Variants in SMIM23 observed in about 807,000 individuals in gnomAD.
The protein encoded by SMIM23 is CTB-78H18.1.
A neutral mutation model predicts 12.8 loss-of-function variants in SMIM23; 10 were observed. That is an observed-to-expected ratio of 0.78 (90% confidence interval 0.48 to 1.32). SMIM23 has a LOEUF of 1.32. SMIM23 is among the 40% of genes most tolerant of loss of function. The probability of loss-of-function intolerance (pLI) is 0.00; values close to 1 mark genes in which losing one functional copy is unlikely to be tolerated. For missense variants in SMIM23, 184 were observed against 198.2 expected (o/e 0.93, Z 0.43); for synonymous variants, 78 against 80.1 (o/e 0.97, Z 0.14).
chr5:171,789,392 C>G (rs938070118), intron 1 of SMIM23, among the ~76,000 whole-genome samples: 1 of 152,114 alleles, frequency 6.6e-6, no homozygotes, highest in Non-Finnish European at 1.5e-5. Flanking sequence ...CATACATTTA[C>G]CATATAACCC....
Position 171,790,517 on chromosome 5 carries a change from T to C in SMIM23, c.193T>C (p.Cys65Arg). 2 of 1,536,772 alleles carry C rather than the reference T, an allele frequency of 1.3e-6. No individual in the cohort carries two copies. Among genetic ancestry groups the C allele is most frequent in the South Asian group, 1.2e-5 (1 of 84,056 alleles). The change falls in exon 3 of 4, where the codon TGT becomes CGT. Residue 65 changes from cysteine (C) to arginine (R), a missense_variant. Cys to Arg is a radical substitution (Grantham distance 180). Transcript: ENST00000523047. The stretch of plus-strand genomic sequence containing the variant: ...GGAGGTGTCAGAAAGGATCAGAGAA[T>C]GTAACTACTACCAGAATCTTGCAGT... ...SWEVSERIRE[C>R]NYYQNLAVPQ...
At chr5:171,779,515 C>G (rs1321734709), upstream of SMIM23, among the ~76,000 whole-genome samples, 1 of 152,138 alleles carries the variant, frequency 6.6e-6, no homozygotes, top group Non-Finnish European at 1.5e-5. Flanking sequence ...CCATAATTCT[C>G]AGTCTCCCCA....
chr5:171,785,635 A>G (rs1755800216), upstream of SMIM23, among the ~76,000 whole-genome samples: 1 of 152,222 alleles, frequency 6.6e-6, no homozygotes, highest in African/African-American at 2.4e-5. Context: ...TCATCCTGAA[A>G]CATAATCTTT....
Position 171,791,074 on chromosome 5 carries a change from G to T in SMIM23, c.505G>T (p.Gly169Trp), listed in dbSNP as rs779093137. The T allele has an allele frequency of 2.0e-6, 3 of 1,502,512 alleles. No individual in the cohort carries two copies. The highest frequency in any genetic ancestry group is 2.8e-5 in the African/African-American group (2 of 71,740). 93.1% of individuals were successfully genotyped at this position (1,502,512 alleles called of 1,614,324 possible). A position where few individuals can be genotyped will look rare whatever the true frequency, so the allele number is the denominator to read the frequency against. ...GEGLLEISLSGAEL is the reference protein window; with the variant it reads ...GEGLLEISLSWAEL ...GGGGTTGCTAGAGATTTCTCTAAGC[G>T]GGGCAGAGCTCTGACTCTTGAAGTT... is the stretch of plus-strand genomic sequence containing the variant. The change falls in exon 4 of 4, where the codon GGG becomes TGG. Residue 169 changes from glycine (G) to tryptophan (W), a missense_variant. Coordinates refer to ENST00000523047, the MANE Select transcript of SMIM23 (RefSeq NM_001289970.2).
chr5:171,777,762 C>T (rs546172820), upstream of SMIM23, among the ~76,000 whole-genome samples: 3 of 152,268 alleles, frequency 2.0e-5, no homozygotes, highest in South Asian at 4.2e-4. Context: ...GAGGGGAGAG[C>T]GGCAACACTC....
Position 171,790,907 on chromosome 5 carries a change from A to C in SMIM23, c.338A>C (p.Gln113Pro), listed in dbSNP as rs766512481. The C allele has an allele frequency of 3.8e-5, 59 of 1,536,048 alleles. No individual in the cohort carries two copies. Among genetic ancestry groups the C allele is most frequent in the Non-Finnish European group, 9.6e-6 (11 of 1,146,924 alleles). Residue 113 changes from glutamine (Q) to proline (P), a missense_variant, in exon 4 of 4, where the codon CAG becomes CCG. Transcript: ENST00000523047. ...GAGAAGTTAGAGGAAGAGGTGCAGC[A>C]GCTGGAGCAGCTAGCGTGGGACCTG... ...FSEKLEEEVQ[Q>P]LEQLAWDLEL...
intron 1 of SMIM23, among the ~76,000 whole-genome samples, chr5:171,788,987 C>T (rs1458265445): frequency 6.6e-6 from 1 of 152,202 alleles, no homozygotes; most frequent in East Asian, 1.9e-4. Flanking sequence ...TTACAGGCAC[C>T]GGCCACCATG....
chr5:171,787,666 A>C (rs1032160514), intron 1 of SMIM23, among the ~76,000 whole-genome samples: 1 of 152,234 alleles, frequency 6.6e-6, no homozygotes, highest in Non-Finnish European at 1.5e-5. Flanking sequence ...AAGGACCCTA[A>C]TATTACATGT....
chr5:171,788,935 G>T (rs1755868439), intron 1 of SMIM23, among the ~76,000 whole-genome samples: 1 of 152,204 alleles, frequency 6.6e-6, no homozygotes, highest in Non-Finnish European at 1.5e-5. Flanking sequence ...CGCCTCCCAG[G>T]CTCAAGCGAT....
Position 171,791,091 on chromosome 5 carries a change from C to T in SMIM23, c.*3C>T. The T allele has an allele frequency of 6.8e-7, 1 of 1,472,890 alleles. No homozygotes were observed. The highest frequency in any genetic ancestry group is 8.9e-7 in the Non-Finnish European group (1 of 1,118,964). The allele number at this position is 1,472,890 out of a possible 1,614,324, so 91.2% of individuals were successfully genotyped here. A position where few individuals can be genotyped will look rare whatever the true frequency, so the allele number is the denominator to read the frequency against. On this transcript the variant is annotated 3_prime_UTR_variant, in exon 4 of 4. Transcript: ENST00000523047. The stretch of plus-strand genomic sequence containing the variant: ...CTCTAAGCGGGGCAGAGCTCTGACT[C>T]TTGAAGTTCCAGTCAGGCAAGAAAA...
chr5:171,777,015 G>A, the SMIM23 span, among the ~76,000 whole-genome samples: 16 of 151,842 alleles, frequency 1.1e-4, no homozygotes, highest in Non-Finnish European at 1.9e-4. Flanking sequence ...AGTGCATGAC[G>A]GGGTGAGCCT....
At chr5:171,773,512 G>A in the SMIM23 span, 2 of 321,554 alleles carry the variant, frequency 6.2e-6, no homozygotes, top group East Asian at 1.9e-4. Flanking sequence ...AGACAGGAGG[G>A]ATTCTGAAGA....
At chr5:171,786,863 G>A (rs1755826900) in intron 1 of SMIM23, among the ~76,000 whole-genome samples, 1 of 152,118 alleles carries the variant, frequency 6.6e-6, no homozygotes, top group Non-Finnish European at 1.5e-5. Context: ...GGGGAAGGCT[G>A]CATACCCGCA....
chr5:171,785,994 A>G lies in SMIM23; in HGVS notation c.105+18A>G. The G allele has an allele frequency of 2.0e-6, 3 of 1,528,962 alleles. No individual in the cohort carries two copies. The highest frequency in any genetic ancestry group is 2.6e-6 in the Non-Finnish European group (3 of 1,140,172). 94.7% of individuals were successfully genotyped at this position (1,528,962 alleles called of 1,614,324 possible). Reference sequence around the variant, plus strand: ...AGAAGCAGGTGAGGCCAGGCCAGGTACATGCTGCTTTCCTCCCATCTGGGC... The same window carrying G: ...AGAAGCAGGTGAGGCCAGGCCAGGTGCATGCTGCTTTCCTCCCATCTGGGC... On this transcript the variant is annotated intron_variant, in intron 1 of 3. Transcript: ENST00000523047.
upstream of SMIM23, among the ~76,000 whole-genome samples, chr5:171,783,237 C>G (rs1755757545): frequency 6.6e-6 from 1 of 152,164 alleles, no homozygotes; most frequent in Admixed American, 6.5e-5. Flanking sequence ...ATAATTCTCC[C>G]CAAAGTGATT....
chr5:171,785,674 C>G (rs776901753), upstream of SMIM23, among the ~76,000 whole-genome samples: 1 of 152,116 alleles, frequency 6.6e-6, no homozygotes, highest in Non-Finnish European at 1.5e-5. Flanking sequence ...TCTTTGTTTT[C>G]TACACTCATG....
chr5:171,775,930 T>C, the SMIM23 span, among the ~76,000 whole-genome samples: 1 of 152,198 alleles, frequency 6.6e-6, no homozygotes, highest in South Asian at 2.1e-4. Flanking sequence ...TGGAGTGCAA[T>C]GTGTGATCTC....
At chr5:171,774,072 GA>G in the SMIM23 span, 6,057 of 355,072 alleles carry the variant, frequency 0.017, 79 homozygotes, top group Non-Finnish European at 0.024. Flanking sequence ...CTGACAAAGA[GA>G]AAAAAAATGG....
chr5:171,774,507 C>T, the SMIM23 span: 1 of 456,236 alleles, frequency 2.2e-6, no homozygotes, highest in Non-Finnish European at 4.4e-6. Context: ...CGAGGGGATC[C>T]TGGATTTCAG....
Sources: allele counts gnomAD v4.1 joint callset (sites outside exome capture counted in the v4.1 genomes callset), GRCh38; gene constraint gnomAD v4.1.1; transcripts MANE v1.5; gene names NCBI Gene and HGNC (gene_info 2026-07-23, HGNC 2026-07-21).